The following ERCC2 variants were observed in gnomAD, a reference collection of about 807,000 sequenced individuals.
ERCC2 encodes ERCC excision repair 2, TFIIH core complex helicase subunit, also known as general transcription and DNA repair factor IIH helicase subunit XPD.
A neutral mutation model predicts 99.4 loss-of-function variants in ERCC2; 90 were observed. The ratio of observed to expected loss-of-function variants is 0.91; its 90% confidence interval spans 0.76 to 1.08. The LOEUF (loss-of-function observed/expected upper bound fraction) is 1.08, where lower values mean the gene tolerates loss of function less well. ERCC2 is among the 50% of genes least tolerant of loss of function. The pLI is 0.00. For synonymous variants in ERCC2, 497 were observed against 432.4 expected (o/e 1.15, Z -1.85); for missense variants, 993 against 1,038.1 (o/e 0.96, Z 0.60).
intron 11 of ERCC2, among the ~76,000 whole-genome samples, chr19:45,362,623 C>G (rs938452587): frequency 6.6e-6 from 1 of 152,234 alleles, no homozygotes; most frequent in Admixed American, 6.5e-5. Context: ...CCCGGCTGGT[C>G]GCTAGCTGAG....
Position 45,350,247 on chromosome 19 carries a change from C to T in ERCC2, c.*1382G>A. Reference sequence around the variant, plus strand: ...GACCAGCCTGGGCAACATACCAAGACCCCTGTCTCTACAAAAAAAAAAAAA... The same window carrying T: ...GACCAGCCTGGGCAACATACCAAGATCCCTGTCTCTACAAAAAAAAAAAAA... On this transcript the variant is annotated 3_prime_UTR_variant, in exon 23 of 23. Coordinates refer to ENST00000391945, the MANE Select transcript of ERCC2 (RefSeq NM_000400.4). 1.1e-6 allele frequency: 1 copy of T among 897,120 alleles called. No individual in the cohort carries two copies. Among genetic ancestry groups the T allele is most frequent in the South Asian group, 1.5e-5 (1 of 65,848 alleles). The allele number at this position is 897,120 out of a possible 1,614,324, so 55.6% of individuals were successfully genotyped here.
At chr19:45,355,469 G>T (rs568019486) in intron 16 of ERCC2, among the ~76,000 whole-genome samples, 196 bp downstream of exon 16, 2 of 152,338 alleles carry the variant, frequency 1.3e-5, no homozygotes, top group East Asian at 3.9e-4. Context: ...CACACCCAGC[G>T]GTGGAGGTTC....
chr19:45,352,122 A>C, intron 22 of ERCC2, 87 bp downstream of exon 22: 2 of 1,437,462 alleles, frequency 1.4e-6, no homozygotes, highest in Non-Finnish European at 1.9e-6. Flanking sequence ...AGGCAGGCTG[A>C]GGGTGGGGAG....
At chr19:45,353,662 A>G (rs1264950180) in intron 17 of ERCC2, among the ~76,000 whole-genome samples, 1 of 152,214 alleles carries the variant, frequency 6.6e-6, no homozygotes, top group East Asian at 1.9e-4. Flanking sequence ...GACTTCCCAT[A>G]TGACACTACA....
Position 45,350,499 on chromosome 19 carries a change from C to T in ERCC2, c.*1130G>A, listed in dbSNP as rs200602526. 5 of 1,613,860 alleles carry T rather than the reference C, an allele frequency of 3.1e-6. No individual in the cohort carries two copies. In the African/African-American group the frequency reaches 4.0e-5, roughly 13 times the overall value. On this transcript the variant is annotated 3_prime_UTR_variant, in exon 23 of 23. Transcript: ENST00000391945. ...TCTATGTCCCCATCTCAGTGTCCCC[C>T]ATCTTTCCCCCTAGGTGCCCCCAAC...
intron 21 of ERCC2, 31 bp downstream of exon 21, chr19:45,352,475 T>A (rs757461344): frequency 1.7e-5 from 27 of 1,613,966 alleles, no homozygotes; most frequent in Middle Eastern, 1.6e-4. Flanking sequence ...GAGCCTGGGA[T>A]GGGAGCACAG....
At chr19:45,357,186 G>T in intron 15 of ERCC2, 84 bp downstream of exon 15, 1 of 955,576 alleles carries the variant, frequency 1.0e-6, no homozygotes, top group Non-Finnish European at 1.7e-6. Flanking sequence ...TCTCCTGCCT[G>T]AGCAGTGGGG....
rs1972060648 is a variant in ERCC2, at chr19:45,357,697, A to G, written c.1240T>C (p.Phe414Leu). The G allele has an allele frequency of 1.2e-6, 2 of 1,613,548 alleles. No homozygotes were observed. Among genetic ancestry groups the G allele is most frequent in the Admixed American group, 1.7e-5 (1 of 59,992 alleles). ...TCAAAGGGCTCGATGATGATGGTGA[A>G]GCCTGCAGAGGGCAGGCAAGGAGGG... ...ATLVSTYAKGFTIIIEPFDDR... is the reference protein window; with the variant it reads ...ATLVSTYAKGLTIIIEPFDDR... The change falls in exon 13 of 23, where the codon TTC becomes CTC. Residue 414 changes from phenylalanine to leucine, a missense_variant and splice_region_variant. Around this residue, in one of 3 missense-constraint regions of ERCC2, gnomAD observed 909 missense variants for 930.8 expected, o/e 0.98. Coordinates refer to ENST00000391945, the MANE Select transcript of ERCC2 (RefSeq NM_000400.4).
intron 5 of ERCC2, among the ~76,000 whole-genome samples, chr19:45,368,016 C>G (rs911180103): frequency 6.6e-6 from 1 of 151,328 alleles, no homozygotes; most frequent in Non-Finnish European, 1.5e-5. Context: ...GCATTACCGA[C>G]GTGTACACCA....
rs1971838656 is a variant in ERCC2, at chr19:45,352,415, C to T, written c.2047-63G>A. 2.5e-6 allele frequency: 4 copies of T among 1,613,732 alleles called. No homozygotes were observed. The Admixed American group carries it at 6.7e-5, about 27-fold the overall frequency. On this transcript the variant is annotated intron_variant, in intron 21 of 22. Coordinates refer to ENST00000391945, the MANE Select transcript of ERCC2 (RefSeq NM_000400.4). ...TCGGGGAGCCTGGGCCACTCTCCAC[C>T]CTGCAACCCACCCCACCTGGGAAAT...
chr19:45,362,273 C>T (rs116300288), intron 11 of ERCC2, among the ~76,000 whole-genome samples: 45 of 152,292 alleles, frequency 3.0e-4, no homozygotes, highest in African/African-American at 1.0e-3. Context: ...ACCCAGAACC[C>T]CCCAGTCATG....
intron 15 of ERCC2, 69 bp from the exon 16 acceptor site, chr19:45,355,797 G>T: frequency 8.4e-7 from 1 of 1,193,114 alleles, no homozygotes. Context: ...CTGACCACCT[G>T]CTGGTGCTGT....
At chr19:45,357,908 C>T (rs1007026474) in intron 12 of ERCC2, 2 of 613,310 alleles carry the variant, frequency 3.3e-6, no homozygotes, top group African/African-American at 1.8e-5. Flanking sequence ...GGGCCCACAC[C>T]TGTGCAAACT....
In ERCC2 at chr19:45,353,247, G is replaced by A. The variant is rs1033444972; in HGVS notation, c.1753C>T (p.Gln585Ter). Residue 585 changes from glutamine (Q) to a stop codon, truncating the protein, a stop_gained, in exon 18 of 23, where the codon CAG becomes TAG. Coordinates refer to ENST00000391945, the MANE Select transcript of ERCC2 (RefSeq NM_000400.4). LOFTEE classifies it high-confidence loss of function. ...AETSVALEKY[Q>*]EACENGRGAI... is the part of the protein sequence containing the mutation. The stretch of plus-strand genomic sequence containing the variant: ...CGCTGGCCTCGCACACCCACCTCCT[G>A]GTACTTCTCCAGGGCGACACTGGTT... 8 of 1,613,502 alleles carry A rather than the reference G, an allele frequency of 5.0e-6. No homozygotes were observed. Among genetic ancestry groups the A allele is most frequent in the Non-Finnish European group, 6.8e-6 (8 of 1,179,680 alleles).
intron 22 of ERCC2, among the ~76,000 whole-genome samples, chr19:45,351,951 G>C (rs142229130): frequency 1.8e-4 from 28 of 152,206 alleles, no homozygotes; most frequent in Non-Finnish European, 3.4e-4. Context: ...GGCCAGCACC[G>C]TCTCTCCTGA....
At chr19:45,357,125 A>C in intron 15 of ERCC2, 145 bp downstream of exon 15, 1 of 623,960 alleles carries the variant, frequency 1.6e-6, no homozygotes, top group Non-Finnish European at 2.9e-6. Flanking sequence ...GAGAAGCAGA[A>C]TCAAGCCTAA....
At chr19:45,359,144 G>T (rs1395670928) in intron 12 of ERCC2, among the ~76,000 whole-genome samples, 1 of 152,200 alleles carries the variant, frequency 6.6e-6, no homozygotes, top group East Asian at 1.9e-4. Context: ...CAGCCTGGGG[G>T]TCAGGGAGGG....
In ERCC2 at chr19:45,350,767, G is replaced by A; in HGVS notation, c.*862C>T. 2.5e-6 allele frequency: 4 copies of A among 1,594,976 alleles called. No homozygotes were observed. The highest frequency in any genetic ancestry group is 1.3e-5 in the African/African-American group (1 of 74,756). On this transcript the variant is annotated 3_prime_UTR_variant, in exon 23 of 23. Transcript: ENST00000391945. ...AGCCGGGTGAGTGTTGATCAGGTCGGCAAAGAGCCCTGACATCAGCAGAAT... is the reference window on the plus strand; with the variant it reads ...AGCCGGGTGAGTGTTGATCAGGTCGACAAAGAGCCCTGACATCAGCAGAAT...
chr19:45,353,212 C>G (rs747598035), intron 18 of ERCC2, 30 bp downstream of exon 18: 11 of 1,612,138 alleles, frequency 6.8e-6, no homozygotes, highest in Admixed American at 5.0e-5. Context: ...ACCTCCCCGA[C>G]CCCTCTCCAC....
Sources: allele counts gnomAD v4.1 joint callset (sites outside exome capture counted in the v4.1 genomes callset), GRCh38; gene constraint gnomAD v4.1.1; regional missense constraint gnomAD v4.1.1; transcripts MANE v1.5; gene names NCBI Gene and HGNC (gene_info 2026-07-23, HGNC 2026-07-21).